FARS2: variants seen among roughly 807,000 people sequenced by gnomAD.
The protein encoded by FARS2 is phenylalanine--tRNA ligase, mitochondrial.
A neutral mutation model predicts 46.4 loss-of-function variants in FARS2; 40 were observed. The observed-to-expected ratio is 0.86, with a 90% CI of 0.67 to 1.12. The LOEUF (loss-of-function observed/expected upper bound fraction) is 1.12, where lower values mean the gene tolerates loss of function less well. Ranked by LOEUF, FARS2 falls within the 50% of genes most tolerant of loss-of-function variation. The pLI is 0.00. For missense variants in FARS2, 513 were observed against 567.9 expected (o/e 0.90, Z 0.98); for synonymous variants, 234 against 214.9 (o/e 1.09, Z -0.78).
chr6:5,371,366 C>G, intron 2 of FARS2: 1 of 160,550 alleles, frequency 6.2e-6, no homozygotes, highest in East Asian at 1.9e-4. Flanking sequence ...TTATTATTAT[C>G]TTTTAAGGTA....
chr6:5,609,836 C>G (rs1193284334), intron 5 of FARS2: 1 of 1,091,008 alleles, frequency 9.2e-7, no homozygotes, highest in African/African-American at 1.5e-5. Context: ...TCAAAATAAT[C>G]TCTTAGGTGA....
At chr6:5,726,893 G>A (rs1760300898) in intron 6 of FARS2, among the ~76,000 whole-genome samples, 1 of 152,208 alleles carries the variant, frequency 6.6e-6, no homozygotes, top group Non-Finnish European at 1.5e-5. Context: ...GCCCTTCCAG[G>A]GTGAGCTTCC....
intron 4 of FARS2, among the ~76,000 whole-genome samples, chr6:5,502,705 C>CTTCTCTAAAGTCATTCTCTA (rs1767872241): frequency 2.0e-5 from 3 of 152,180 alleles, no homozygotes; most frequent in African/African-American, 7.2e-5. Flanking sequence ...TTAGGTGAGA[C>CTTCTCTAAAGTCATTCTCTA]AAGTAACTCT....
At chr6:5,759,178 C>G (rs1034819403) in intron 6 of FARS2, among the ~76,000 whole-genome samples, 1 of 152,116 alleles carries the variant, frequency 6.6e-6, no homozygotes, top group African/African-American at 2.4e-5. Context: ...TTGATATGTG[C>G]CATCCCCTCT....
chr6:5,623,095 C>G (rs1176162815), intron 6 of FARS2, among the ~76,000 whole-genome samples: 1 of 152,194 alleles, frequency 6.6e-6, no homozygotes, highest in Non-Finnish European at 1.5e-5. Flanking sequence ...GTTTCCTCAT[C>G]TACCACCAGG....
intron 6 of FARS2, among the ~76,000 whole-genome samples, chr6:5,723,161 A>G (rs1055694239): frequency 4.6e-5 from 7 of 152,112 alleles, no homozygotes; most frequent in African/African-American, 9.7e-5. Context: ...TGAAGGTGAC[A>G]GGCCACGAAT....
At chr6:5,653,404 A>C (rs1777460777) in intron 6 of FARS2, among the ~76,000 whole-genome samples, 1 of 152,256 alleles carries the variant, frequency 6.6e-6, no homozygotes, top group Non-Finnish European at 1.5e-5. Context: ...ATGTTTTACC[A>C]ATTCAGACCC....
At chr6:5,695,611 A>G (rs1758054349) in intron 6 of FARS2, among the ~76,000 whole-genome samples, 1 of 152,250 alleles carries the variant, frequency 6.6e-6, no homozygotes, top group Non-Finnish European at 1.5e-5. Context: ...TGGGAGGATG[A>G]GTAACTTGTA....
At chr6:5,516,800 A>T (rs1768823844) in intron 4 of FARS2, among the ~76,000 whole-genome samples, 2 of 152,218 alleles carry the variant, frequency 1.3e-5, no homozygotes, top group African/African-American at 4.8e-5. Flanking sequence ...CCAAGGATAT[A>T]ATATGTTTAC....
chr6:5,544,201 T>C (rs141207976), intron 4 of FARS2, among the ~76,000 whole-genome samples: 71 of 152,328 alleles, frequency 4.7e-4, no homozygotes, highest in Non-Finnish European at 7.3e-4. Context: ...ATGTGGCCTC[T>C]TCACAGCCAG....
At chr6:5,399,261 G>A (rs1761108485) in intron 2 of FARS2, among the ~76,000 whole-genome samples, 1 of 150,978 alleles carries the variant, frequency 6.6e-6, no homozygotes. Flanking sequence ...TGCAATTCCT[G>A]CCTCCCGGGT....
At chr6:5,366,020 C>A (rs1051029930) in intron 1 of FARS2, among the ~76,000 whole-genome samples, 3 of 151,480 alleles carry the variant, frequency 2.0e-5, no homozygotes, top group Admixed American at 6.6e-5. Flanking sequence ...ATAGGGGAGG[C>A]GGAAGGGGAG....
At chr6:5,552,806 T>C (rs1055601861) in intron 5 of FARS2, among the ~76,000 whole-genome samples, 3 of 152,244 alleles carry the variant, frequency 2.0e-5, no homozygotes. Flanking sequence ...AAGTGATAAC[T>C]TGTTCTGTCC....
chr6:5,480,882 G>T (rs573157721), intron 4 of FARS2, among the ~76,000 whole-genome samples: 3 of 152,308 alleles, frequency 2.0e-5, no homozygotes, highest in East Asian at 1.9e-4. Context: ...GATTCTGCAG[G>T]ATCTATAGAA....
intron 1 of FARS2, among the ~76,000 whole-genome samples, chr6:5,365,510 ATTT>A (rs144909598): frequency 1.1e-3 from 136 of 127,958 alleles, no homozygotes; most frequent in African/African-American, 2.9e-3. Context: ...ATTAAATAAA[ATTT>A]TTTTTTTTTT....
intron 6 of FARS2, among the ~76,000 whole-genome samples, chr6:5,647,087 G>GT (rs1189512700): frequency 6.6e-6 from 1 of 152,108 alleles, no homozygotes; most frequent in African/African-American, 2.4e-5. Flanking sequence ...TTTTGGTTTT[G>GT]TTTTTTGTTG....
intron 6 of FARS2, among the ~76,000 whole-genome samples, chr6:5,655,550 G>A (rs528217447): frequency 3.0e-4 from 46 of 152,270 alleles, no homozygotes; most frequent in African/African-American, 8.4e-4. Context: ...TGGACTTGCC[G>A]TTTCCTGCAT....
intron 1 of FARS2, among the ~76,000 whole-genome samples, chr6:5,310,518 C>CATAGAA (rs748974601): frequency 6.6e-6 from 1 of 151,780 alleles, no homozygotes; most frequent in African/African-American, 2.4e-5. Flanking sequence ...AAAAAAAACT[C>CATAGAA]ATAGAAATAA....
At chr6:5,423,986 A>G (rs1562030042) in intron 3 of FARS2, among the ~76,000 whole-genome samples, 1 of 152,158 alleles carries the variant, frequency 6.6e-6, no homozygotes, top group Non-Finnish European at 1.5e-5. Flanking sequence ...TGCCAGCCAC[A>G]TTTACTGAGT....
Sources: allele counts gnomAD v4.1 joint callset (sites outside exome capture counted in the v4.1 genomes callset), GRCh38; gene constraint gnomAD v4.1.1; transcripts MANE v1.5; gene names NCBI Gene and HGNC (gene_info 2026-07-23, HGNC 2026-07-21).